PPP1R21: variants seen among roughly 807,000 people sequenced by gnomAD.
PPP1R21 encodes the protein protein phosphatase 1 regulatory subunit 21, also known as KLRAQ motif containing 1.
Under a neutral mutation model 112.8 loss-of-function variants are expected in PPP1R21, and 85 were observed. The observed-to-expected ratio is 0.75, with a 90% CI of 0.63 to 0.90. PPP1R21 has a LOEUF of 0.90. PPP1R21 is among the 40% of genes least tolerant of loss of function. The pLI is 0.00. For synonymous variants in PPP1R21, 381 were observed against 322.3 expected, an observed-to-expected ratio of 1.18 and a Z score of -1.95; for missense variants, 1,199 against 901.5, an observed-to-expected ratio of 1.33 and a Z score of -4.23.
intron 1 of PPP1R21, among the ~76,000 whole-genome samples, chr2:48,447,086 T>G (rs1445963090): frequency 6.6e-6 from 1 of 152,118 alleles, no homozygotes; most frequent in Admixed American, 6.6e-5. Flanking sequence ...AATGTAAAAT[T>G]TACTGTTTTT....
At chr2:48,469,289 GTGTGTGTA>G (rs369727269) in intron 9 of PPP1R21, among the ~76,000 whole-genome samples, 17,035 of 66,446 alleles carry the variant, frequency 0.26, 2,590 homozygotes, top group East Asian at 0.47. Flanking sequence ...GTGTGTGTGT[GTGTGTGTA>G]TGTATATATA....
At chr2:48,454,047 T>C (rs1667600445) in intron 2 of PPP1R21, among the ~76,000 whole-genome samples, 1 of 152,012 alleles carries the variant, frequency 6.6e-6, no homozygotes, top group South Asian at 2.1e-4. Flanking sequence ...TCACCTGAGG[T>C]CAGGAGTTTG....
At chr2:48,454,425 C>A in intron 2 of PPP1R21, 170 bp from the exon 3 acceptor site, 1 of 712,494 alleles carries the variant, frequency 1.4e-6, no homozygotes. Flanking sequence ...AAAAGATTAT[C>A]TTTTCACAAA....
At position 48,465,092 on chromosome 2, in the gene PPP1R21, A is replaced by G. The variant is rs377501508; in HGVS notation, c.747+103A>G. The stretch of plus-strand genomic sequence containing the variant: ...GGACCTCTGTTTAGTGCATTCAGTC[A>G]TTGCATTTAACTGTTGCTTTACGTG... On this transcript the variant is annotated intron_variant, in intron 8 of 21. Transcript: ENST00000294952. 1.7e-5 allele frequency: 15 copies of G among 877,814 alleles called. No individual in the cohort carries two copies. In the African/African-American group the frequency reaches 2.1e-4, roughly 13 times the overall value. 54.4% of individuals were successfully genotyped at this position (877,814 alleles called of 1,614,324 possible).
At chr2:48,443,876 A>G (rs1667140440) in intron 1 of PPP1R21, among the ~76,000 whole-genome samples, 3 of 152,200 alleles carry the variant, frequency 2.0e-5, no homozygotes, top group African/African-American at 7.2e-5. Flanking sequence ...ATACAAAGGA[A>G]AAAGGTGTCC....
Position 48,464,954 on chromosome 2 carries a change from G to C in PPP1R21, c.712G>C (p.Ala238Pro). The change falls in exon 8 of 22, where the codon GCT becomes CCT. Residue 238 changes from alanine to proline, a missense_variant. Coordinates refer to ENST00000294952, the MANE Select transcript of PPP1R21 (RefSeq NM_001135629.3). ...FNDTKYSQYN[A>P]LNVPLHNRRH... ...TTCTGTAGAATATAGTCAGTACAAC[G>C]CTCTGAACGTTCCACTCCACAATAG... 1 of 1,562,314 alleles carries C rather than the reference G, an allele frequency of 6.4e-7. No homozygotes were observed. Among genetic ancestry groups the C allele is most frequent in the African/African-American group, 1.4e-5 (1 of 70,636 alleles).
intron 1 of PPP1R21, among the ~76,000 whole-genome samples, chr2:48,448,511 G>A (rs967304156): frequency 4.8e-5 from 7 of 146,424 alleles, no homozygotes; most frequent in African/African-American, 7.5e-5. Context: ...TGAAGTAGTC[G>A]TTAGGAGCTT....
In PPP1R21 at chr2:48,461,220, T is replaced by C; in HGVS notation, c.682T>C (p.Phe228Leu). ...ATCAATCATCAATGAAAAAGTACCT[T>C]TTAATGATACAAGTAGGTATTATGT... is the stretch of plus-strand genomic sequence containing the variant. ...SLSIINEKVP[F>L]NDTKYSQYNA... is the part of the protein sequence containing the mutation. Residue 228 changes from phenylalanine to leucine, a missense_variant, in exon 7 of 22, where the codon TTT becomes CTT. Transcript: ENST00000294952. 6.3e-7 allele frequency: 1 copy of C among 1,579,344 alleles called. No homozygotes were observed. Among genetic ancestry groups the C allele is most frequent in the Non-Finnish European group, 8.6e-7 (1 of 1,168,978 alleles).
Position 48,514,590 on chromosome 2 carries a change from A to T in PPP1R21, c.2314-125A>T, listed in dbSNP as rs769350910. On this transcript the variant is annotated intron_variant, in intron 21 of 21. Coordinates refer to ENST00000294952, the MANE Select transcript of PPP1R21 (RefSeq NM_001135629.3). ...AGTTAACAATGCAAGGTTATCAGCT[A>T]TTCTCCTTTTTGGAAGCTAGTGTTC... is the stretch of plus-strand genomic sequence containing the variant. The T allele has an allele frequency of 1.2e-5, 9 of 726,614 alleles. 1 individual carries two copies. The South Asian group carries it at 1.4e-4, about 11-fold the overall frequency. The allele number at this position is 726,614 out of a possible 1,614,324, so 45.0% of individuals were successfully genotyped here. A position where few individuals can be genotyped will look rare whatever the true frequency, so the allele number is the denominator to read the frequency against.
At chr2:48,511,255 C>T in intron 20 of PPP1R21, 85 bp from the exon 21 acceptor site, 1 of 1,353,514 alleles carries the variant, frequency 7.4e-7, no homozygotes, top group Non-Finnish European at 1.0e-6. Flanking sequence ...TTCCCTACTC[C>T]ACATTTTTCT....
At position 48,510,036 on chromosome 2, in the gene PPP1R21, C is replaced by A; in HGVS notation, c.2107C>A (p.Leu703Met). ...ACAGTGCCGAGCACTGTCTAAAAGACTGGCCTTGGCTGAAAAGTCTAAGGA... is the reference window on the plus strand; with the variant it reads ...ACAGTGCCGAGCACTGTCTAAAAGAATGGCCTTGGCTGAAAAGTCTAAGGA... ...YAECRALSKR[L>M]ALAEKSKEAL... Residue 703 changes from leucine to methionine, a missense_variant, in exon 20 of 22, where the codon CTG becomes ATG. By Grantham distance (15) the Leu-to-Met change is conservative (BLOSUM62 2). Coordinates refer to ENST00000294952, the MANE Select transcript of PPP1R21 (RefSeq NM_001135629.3). 1 of 1,613,720 alleles carries A rather than the reference C, an allele frequency of 6.2e-7. No individual in the cohort carries two copies. Among genetic ancestry groups the A allele is most frequent in the Non-Finnish European group, 8.5e-7 (1 of 1,179,698 alleles).
chr2:48,451,699 C>T (rs565731538), intron 2 of PPP1R21, among the ~76,000 whole-genome samples: 5 of 152,172 alleles, frequency 3.3e-5, no homozygotes, highest in Non-Finnish European at 7.3e-5. Flanking sequence ...TAAATTAAGT[C>T]TAGGATTTGG....
chr2:48,502,912 C>G (rs1305388055), intron 17 of PPP1R21, among the ~76,000 whole-genome samples: 1 of 151,982 alleles, frequency 6.6e-6, no homozygotes, highest in Admixed American at 6.6e-5. Context: ...AATCTCCTGA[C>G]CTTGTGATCC....
intron 13 of PPP1R21, among the ~76,000 whole-genome samples, chr2:48,483,458 T>C (rs539267526): frequency 3.9e-5 from 6 of 152,212 alleles, no homozygotes; most frequent in South Asian, 2.1e-4. Context: ...TTTGGGATTA[T>C]AGGCGTGAGC....
At position 48,491,050 on chromosome 2, in the gene PPP1R21, C is replaced by T. The variant is rs1174298001; in HGVS notation, c.1479C>T (p.Tyr493=). ...IASFFSNNLD[Y]FIASLSYGPK... ...CCTTCTTCAGCAACAATTTGGACTACTTCATTGCTTCACTGAGCTATGGAC... is the reference window on the plus strand; with the variant it reads ...CCTTCTTCAGCAACAATTTGGACTATTTCATTGCTTCACTGAGCTATGGAC... Residue 493 remains tyrosine, a synonymous_variant, in exon 15 of 22, where the codon TAC becomes TAT. Coordinates refer to ENST00000294952, the MANE Select transcript of PPP1R21 (RefSeq NM_001135629.3). 6.2e-7 allele frequency: 1 copy of T among 1,613,942 alleles called. No homozygotes were observed. The highest frequency in any genetic ancestry group is 8.5e-7 in the Non-Finnish European group (1 of 1,179,914).
chr2:48,496,095 T>C (rs1669822123), intron 16 of PPP1R21, among the ~76,000 whole-genome samples: 1 of 152,204 alleles, frequency 6.6e-6, no homozygotes, highest in Non-Finnish European at 1.5e-5. Flanking sequence ...CAAGAGCTAG[T>C]GACTCTGAGT....
chr2:48,464,560 T>G (rs933201086), intron 7 of PPP1R21, among the ~76,000 whole-genome samples: 1 of 152,198 alleles, frequency 6.6e-6, no homozygotes, highest in Non-Finnish European at 1.5e-5. Context: ...AAAACAGTGG[T>G]ATTTTTTGCT....
At chr2:48,481,563 T>A (rs1669012263) in intron 13 of PPP1R21, among the ~76,000 whole-genome samples, 1 of 152,162 alleles carries the variant, frequency 6.6e-6, no homozygotes, top group South Asian at 2.1e-4. Flanking sequence ...GGCTACAAGT[T>A]TTTTAGTTTT....
chr2:48,488,620 A>G (rs1324965508), intron 14 of PPP1R21, among the ~76,000 whole-genome samples: 1 of 152,160 alleles, frequency 6.6e-6, no homozygotes, highest in Non-Finnish European at 1.5e-5. Flanking sequence ...AAATAATTAA[A>G]TACTTGCATA....
Sources: allele counts gnomAD v4.1 joint callset (sites outside exome capture counted in the v4.1 genomes callset), GRCh38; gene constraint gnomAD v4.1.1; transcripts MANE v1.5; gene names NCBI Gene and HGNC (gene_info 2026-07-23, HGNC 2026-07-21).